The following EFCAB6 variants were observed in gnomAD, a reference collection of about 807,000 sequenced individuals.
EFCAB6 encodes EF-hand calcium binding domain 6.
EFCAB6 carries 156 observed loss-of-function variants against 169.8 expected under a neutral mutation model. The ratio of observed to expected loss-of-function variants is 0.92; its 90% CI spans 0.81 to 1.05. EFCAB6 has a LOEUF of 1.05. Among genes scored for constraint, EFCAB6 ranks in the 50% least tolerant of loss-of-function variants. The probability of loss-of-function intolerance (pLI) is 0.00; values close to 1 mark genes in which losing one functional copy is unlikely to be tolerated. For synonymous variants in EFCAB6, 698 were observed against 676.4 expected, an observed-to-expected ratio of 1.03 and a Z score of -0.50; for missense variants, 1,800 against 1,829.1, an observed-to-expected ratio of 0.98 and a Z score of 0.29.
chr22:43,796,292 G>A (rs1169548769), intron 2 of EFCAB6, among the ~76,000 whole-genome samples: 3 of 151,892 alleles, frequency 2.0e-5, no homozygotes, highest in Admixed American at 2.0e-4. Context: ...AGCCAGGGTC[G>A]GGTTTGATCA....
intron 21 of EFCAB6, among the ~76,000 whole-genome samples, chr22:43,614,337 A>G (rs986837345): frequency 6.6e-6 from 1 of 152,138 alleles, no homozygotes; most frequent in Non-Finnish European, 1.5e-5. Flanking sequence ...CACATAATCA[A>G]CATACCCTTG....
At chr22:43,650,091 G>A (rs563756107) in intron 17 of EFCAB6, among the ~76,000 whole-genome samples, 15 of 152,278 alleles carry the variant, frequency 9.9e-5, no homozygotes, top group African/African-American at 3.4e-4. Context: ...AAGCAAAAGG[G>A]ATTTTTTGGT....
intron 12 of EFCAB6, among the ~76,000 whole-genome samples, chr22:43,679,926 G>T (rs1229191367): frequency 6.6e-6 from 1 of 152,108 alleles, no homozygotes; most frequent in African/African-American, 2.4e-5. Flanking sequence ...CTCCCAGTCT[G>T]TGGCTTGTCT....
In EFCAB6 at chr22:43,601,836, C is replaced by A. The variant is rs999474872; in HGVS notation, c.2682-1573G>T. 2.6e-5 allele frequency among the ~76,000 whole-genome samples: 4 copies of A among 152,218 alleles called. No homozygotes were observed. The East Asian group carries it at 5.8e-4, about 22-fold the overall frequency. On this transcript the variant is annotated intron_variant, in intron 22 of 31. Transcript: ENST00000262726. Reference sequence around the variant, plus strand: ...CTTCCCAAAGGCCATGTGGGCCTGTCCCCACAGGTGCCCCTGAGGGCTCTC... The same window carrying A: ...CTTCCCAAAGGCCATGTGGGCCTGTACCCACAGGTGCCCCTGAGGGCTCTC...
rs534094967 is a variant in EFCAB6, at chr22:43,743,191, G to A, written c.508-7198C>T. 3.0e-4 allele frequency among the ~76,000 whole-genome samples: 45 copies of A among 152,318 alleles called. No homozygotes were observed. In the South Asian group the frequency reaches 8.9e-3, roughly 30 times the overall value. On this transcript the variant is annotated intron_variant, in intron 6 of 31. Coordinates refer to ENST00000262726, the MANE Select transcript of EFCAB6 (RefSeq NM_022785.4). ...ACTGATGAAGGGCAGAATTATAAATGTTACTAGAAGAAGCAGAGACTGTCT... is the reference window on the plus strand; with the variant it reads ...ACTGATGAAGGGCAGAATTATAAATATTACTAGAAGAAGCAGAGACTGTCT...
intron 26 of EFCAB6, among the ~76,000 whole-genome samples, chr22:43,560,310 G>C (rs1395734127): frequency 6.6e-6 from 1 of 152,176 alleles, no homozygotes; most frequent in African/African-American, 2.4e-5. Flanking sequence ...TAGGAATGAA[G>C]TTTTTGACTC....
chr22:43,662,198 TAA>T (rs2057039450), intron 17 of EFCAB6, among the ~76,000 whole-genome samples: 1 of 146,120 alleles, frequency 6.8e-6, no homozygotes, highest in Non-Finnish European at 1.5e-5. Flanking sequence ...ATAATAATAA[TAA>T]TAATTTATAG....
chr22:43,606,377 C>T (rs1367646576), intron 22 of EFCAB6, among the ~76,000 whole-genome samples: 7 of 152,222 alleles, frequency 4.6e-5, no homozygotes, highest in Non-Finnish European at 7.3e-5. Flanking sequence ...CCCTGCAAAC[C>T]TCTGCAAAGG....
intron 6 of EFCAB6, among the ~76,000 whole-genome samples, chr22:43,740,964 G>A (rs1208817957): frequency 1.3e-5 from 2 of 152,124 alleles, no homozygotes; most frequent in Admixed American, 6.5e-5. Flanking sequence ...ACCTGGCAGC[G>A]AGCTCACACC....
chr22:43,656,495 C>T (rs774535749), intron 17 of EFCAB6, among the ~76,000 whole-genome samples: 7 of 152,068 alleles, frequency 4.6e-5, no homozygotes, highest in Non-Finnish European at 5.9e-5. Context: ...TGTTATGGAC[C>T]GCATAATGGC....
At chr22:43,764,723 T>C (rs1187388114) in intron 5 of EFCAB6, among the ~76,000 whole-genome samples, 2 of 152,184 alleles carry the variant, frequency 1.3e-5, no homozygotes, top group Non-Finnish European at 2.9e-5. Context: ...TAAATATTTT[T>C]ATTACTAAAA....
intron 3 of EFCAB6, among the ~76,000 whole-genome samples, chr22:43,779,827 A>G (rs2061756052): frequency 1.3e-5 from 2 of 152,184 alleles, no homozygotes; most frequent in Non-Finnish European, 2.9e-5. Context: ...AATGACAAAA[A>G]AGAAAAATAC....
At chr22:43,635,819 G>A (rs935081623) in intron 17 of EFCAB6, among the ~76,000 whole-genome samples, 1 of 152,072 alleles carries the variant, frequency 6.6e-6, no homozygotes, top group African/African-American at 2.4e-5. Flanking sequence ...GGGGGCAGAG[G>A]GAGCACCCAA....
In EFCAB6 at chr22:43,765,222, G is replaced by A. The variant is rs1012391669; in HGVS notation, c.440+83C>T. ...ATCTTCCATATATAGCTGTTGATAT[G>A]ATTAGTTCCAATGGCTTCACGTCAT... On this transcript the variant is annotated intron_variant, in intron 5 of 31. Transcript: ENST00000262726. 25 of 1,010,668 alleles carry A rather than the reference G, an allele frequency of 2.5e-5. No individual in the cohort carries two copies. The South Asian group carries it at 2.9e-4, about 12-fold the overall frequency. The allele number at this position is 1,010,668 out of a possible 1,614,324, so 62.6% of individuals were successfully genotyped here.
At chr22:43,668,287 G>C (rs890650843) in intron 16 of EFCAB6, among the ~76,000 whole-genome samples, 4 of 152,196 alleles carry the variant, frequency 2.6e-5, no homozygotes, top group Non-Finnish European at 4.4e-5. Flanking sequence ...AGCAATGAAT[G>C]AGCAAGTTAG....
Position 43,683,865 on chromosome 22 carries a change from G to C in EFCAB6, c.1143-10C>G, listed in dbSNP as rs776777582. 2.2e-5 allele frequency: 35 copies of C among 1,582,734 alleles called. No individual in the cohort carries two copies. In the Admixed American group the frequency reaches 5.8e-4, roughly 26 times the overall value. On this transcript the variant is annotated splice_polypyrimidine_tract_variant and intron_variant, in intron 11 of 31. Coordinates refer to ENST00000262726, the MANE Select transcript of EFCAB6 (RefSeq NM_022785.4). ...ATTTCTAGAGTTGATGCTACAAGAG[G>C]ATTAGGAGAAAAGCAGGAATAAGAT...
intron 2 of EFCAB6, among the ~76,000 whole-genome samples, chr22:43,791,773 C>G (rs2062301021): frequency 2.0e-5 from 3 of 152,052 alleles, no homozygotes; most frequent in Non-Finnish European, 2.9e-5. Flanking sequence ...TAAATAGAGA[C>G]AGCAGTTTCA....
intron 8 of EFCAB6, among the ~76,000 whole-genome samples, chr22:43,723,278 C>T (rs1184718207): frequency 6.6e-6 from 1 of 152,120 alleles, no homozygotes; most frequent in Non-Finnish European, 1.5e-5. Context: ...GTTGAACACA[C>T]ATGGATATAA....
At chr22:43,673,966 C>CAA (rs35790164) in intron 13 of EFCAB6, among the ~76,000 whole-genome samples, 4 of 69,432 alleles carry the variant, frequency 5.8e-5, no homozygotes, top group Non-Finnish European at 6.0e-5. Context: ...GACTCCGTCT[C>CAA]AAAAAAAAAA....
Sources: allele counts gnomAD v4.1 joint callset (sites outside exome capture counted in the v4.1 genomes callset), GRCh38; gene constraint gnomAD v4.1.1; transcripts MANE v1.5; gene names NCBI Gene and HGNC (gene_info 2026-07-23, HGNC 2026-07-21).